The following NPHS1 variants were observed in gnomAD, a reference collection of about 807,000 sequenced individuals.
The protein encoded by NPHS1 is nephrin.
In NPHS1, 107 loss-of-function variants were observed where a neutral mutation model predicts 139.7. The observed-to-expected ratio is 0.77, with a 90% CI of 0.66 to 0.90. The LOEUF (loss-of-function observed/expected upper bound fraction) is 0.90, where lower values mean the gene tolerates loss of function less well. Ranked by LOEUF, NPHS1 falls within the 40% of genes least tolerant of loss-of-function variation. NPHS1 has a pLI of 0.00. For missense variants in NPHS1, 1,580 were observed against 1,654.2 expected, an observed-to-expected ratio of 0.96 and a Z score of 0.78; for synonymous variants, 707 against 706.6, an observed-to-expected ratio of 1.00 and a Z score of -0.01.
chr19:35,846,443 C>T (rs1027024037), intron 11 of NPHS1, among the ~76,000 whole-genome samples: 1 of 152,208 alleles, frequency 6.6e-6, no homozygotes, highest in African/African-American at 2.4e-5. Flanking sequence ...GATCTGAATC[C>T]GCCTTCTGTC....
chr19:35,829,692 C>T (rs1276812777), intron 28 of NPHS1, among the ~76,000 whole-genome samples: 1 of 152,084 alleles, frequency 6.6e-6, no homozygotes, highest in African/African-American at 2.4e-5. Context: ...GTGTGTGCCA[C>T]CACATCCAGA....
Position 35,844,247 on chromosome 19 carries a change from G to A in NPHS1, c.2072-4C>T. On this transcript the variant is annotated splice_region_variant and splice_polypyrimidine_tract_variant and intron_variant, in intron 15 of 28. Coordinates refer to ENST00000378910, the MANE Select transcript of NPHS1 (RefSeq NM_004646.4). Reference sequence around the variant, plus strand: ...ATGCGATGCCGGGGGCCGCCCGCTGGGGAAGGCCAGAATAAGGGACCTGGC... The same window carrying A: ...ATGCGATGCCGGGGGCCGCCCGCTGAGGAAGGCCAGAATAAGGGACCTGGC... The A allele has an allele frequency of 6.2e-7, 1 of 1,613,504 alleles. No individual in the cohort carries two copies. Among genetic ancestry groups the A allele is most frequent in the African/African-American group, 1.3e-5 (1 of 75,064 alleles).
Position 35,848,753 on chromosome 19 carries a change from T to C in NPHS1, c.1054A>G (p.Thr352Ala), listed in dbSNP as rs1374206038. ...GAGAGTGTCACGTTCTTGTTCTCAG[T>C]CTGGGATGCAGATCCCAAGATAATA... ...AIIILGSASQ[T>A]ENKNVTLSCV... The change falls in exon 9 of 29, where the codon ACT becomes GCT. Residue 352 changes from threonine to alanine, a missense_variant. Thr to Ala is a moderately conservative substitution (Grantham distance 58). Transcript: ENST00000378910. 1 of 1,614,116 alleles carries C rather than the reference T, an allele frequency of 6.2e-7. No individual in the cohort carries two copies. Among genetic ancestry groups the C allele is most frequent in the Non-Finnish European group, 8.5e-7 (1 of 1,180,016 alleles).
intron 19 of NPHS1, 62 bp downstream of exon 19, chr19:35,842,062 G>A: frequency 6.5e-6 from 10 of 1,546,828 alleles, no homozygotes; most frequent in Non-Finnish European, 7.9e-6. Context: ...CTCAGGGAGG[G>A]GAAGTGGGGC....
At chr19:35,830,708 C>T (rs1360854175) in intron 28 of NPHS1, 136 bp downstream of exon 28, 12 of 746,062 alleles carry the variant, frequency 1.6e-5, no homozygotes, top group Admixed American at 5.5e-5. Context: ...CATGCCCAGC[C>T]GACTGTCTTT....
intron 23 of NPHS1, 68 bp from the exon 24 acceptor site, chr19:35,831,830 G>C: frequency 6.6e-7 from 1 of 1,513,098 alleles, no homozygotes; most frequent in Non-Finnish European, 8.9e-7. Context: ...GGGTCTCCCC[G>C]AGAAAGTGTA....
chr19:35,845,530 C>G lies in NPHS1; in HGVS notation c.1768G>C (p.Val590Leu). 6.2e-7 allele frequency: 1 copy of G among 1,600,920 alleles called. No homozygotes were observed. Among genetic ancestry groups the G allele is most frequent in the Non-Finnish European group, 8.5e-7 (1 of 1,174,982 alleles). Reference protein sequence around the residue: ...WDKEGERLEGVAAPPRRAPFK... With the variant: ...WDKEGERLEGLAAPPRRAPFK... ...GGGGCTCTCCGGGGTGGGGCGGCCACGCCCTCCAGCCTGTGGAACCGGGGT... is the reference window on the plus strand; with the variant it reads ...GGGGCTCTCCGGGGTGGGGCGGCCAGGCCCTCCAGCCTGTGGAACCGGGGT... The change falls in exon 14 of 29, where the codon GTG becomes CTG. Residue 590 changes from valine to leucine, a missense_variant. Val to Leu is a conservative substitution (Grantham distance 32, BLOSUM62 1). Transcript: ENST00000378910. The surrounding 1 kb of genome is among the most constrained non-coding windows in gnomAD (Gnocchi z 5.5).
chr19:35,833,082 C>T (rs1202110586), intron 23 of NPHS1, among the ~76,000 whole-genome samples: 5 of 149,904 alleles, frequency 3.3e-5, no homozygotes, highest in East Asian at 4.0e-4. Context: ...TTAATAGAGA[C>T]GGAGTTTCGC....
In NPHS1 at chr19:35,850,065, G is replaced by A. The variant is rs182322746; in HGVS notation, c.608+299C>T. 3.6e-3 allele frequency among the ~76,000 whole-genome samples: 544 copies of A among 152,182 alleles called. 7 individuals are homozygous for A. The highest frequency in any genetic ancestry group is 2.2e-3 in the Non-Finnish European group (151 of 67,992). On this transcript the variant is annotated intron_variant, in intron 5 of 28. Coordinates refer to ENST00000378910, the MANE Select transcript of NPHS1 (RefSeq NM_004646.4). ...TGAGGAGCTGGGAGTACAGGCATGC[G>A]CCACCACACCCGGCTAATTTTTGTA...
At chr19:35,844,558 C>T (rs1286511985) in intron 14 of NPHS1, 99 bp from the exon 15 acceptor site, 4 of 1,298,600 alleles carry the variant, frequency 3.1e-6, no homozygotes, top group Non-Finnish European at 4.3e-6. Flanking sequence ...AAGTTGGGGT[C>T]ACGACGGGGT....
At chr19:35,847,420 C>T (rs1301159373) in intron 11 of NPHS1, among the ~76,000 whole-genome samples, 10 of 132,296 alleles carry the variant, frequency 7.6e-5, no homozygotes, top group Non-Finnish European at 1.5e-4. Context: ...AGTGGCACAA[C>T]CTCGGCTCAC....
At position 35,839,520 on chromosome 19, in the gene NPHS1, C is replaced by A. The variant is rs771798618; in HGVS notation, c.2903G>T (p.Gly968Val). The A allele has an allele frequency of 1.9e-6, 3 of 1,606,708 alleles. No homozygotes were observed. Among genetic ancestry groups the A allele is most frequent in the South Asian group, 2.2e-5 (2 of 90,120 alleles). Residue 968 changes from glycine to valine, a missense_variant, in exon 21 of 29, where the codon GGC becomes GTC. Coordinates refer to ENST00000378910, the MANE Select transcript of NPHS1 (RefSeq NM_004646.4). Reference protein sequence around the residue: ...GLEWKPGFDGGLPQRFCIRYE... With the variant: ...GLEWKPGFDGVLPQRFCIRYE... Reference sequence around the variant, plus strand: ...CCTGATGCAGAACCTCTGTGGCAGGCCCCCATCAAAGCCAGGCTTCCACTC... The same window carrying A: ...CCTGATGCAGAACCTCTGTGGCAGGACCCCATCAAAGCCAGGCTTCCACTC...
In NPHS1 at chr19:35,849,150, G is replaced by T; in HGVS notation, c.841-3C>A. On this transcript the variant is annotated splice_region_variant and splice_polypyrimidine_tract_variant and intron_variant, in intron 7 of 28. Transcript: ENST00000378910. ...GCTGTGGACACCGGCTGGCCATTCT[G>T]GAGACAGGGACAGGCCTGGGCCAGC... 6.2e-7 allele frequency: 1 copy of T among 1,611,084 alleles called. No individual in the cohort carries two copies. The highest frequency in any genetic ancestry group is 8.5e-7 in the Non-Finnish European group (1 of 1,180,010).
At chr19:35,831,883 G>GCA in intron 23 of NPHS1, 121 bp from the exon 24 acceptor site, 3 of 1,075,754 alleles carry the variant, frequency 2.8e-6, no homozygotes, top group Non-Finnish European at 4.1e-6. Flanking sequence ...AAACAGATGG[G>GCA]CAGAGGTCTC....
rs867787932 is a variant in NPHS1 at position 35,843,526 on chromosome 19, G to A, written c.2280C>T (p.Val760=). 1.2e-6 allele frequency: 2 copies of A among 1,614,142 alleles called. No individual in the cohort carries two copies. Among genetic ancestry groups the A allele is most frequent in the Middle Eastern group, 3.3e-4 (2 of 6,062 alleles). Residue 760 remains valine (V), a synonymous_variant, in exon 17 of 29, where the codon GTC becomes GTT. Coordinates refer to ENST00000378910, the MANE Select transcript of NPHS1 (RefSeq NM_004646.4). Reference sequence around the variant, plus strand: ...GGATGGGATTGGCATCGACAGTGCAGACTATGTCCACAGAACCCCCGACGT... The same window carrying A: ...GGATGGGATTGGCATCGACAGTGCAAACTATGTCCACAGAACCCCCGACGT... The part of the protein sequence containing the change: ...EVNVGGSVDI[V]CTVDANPILP...
intron 28 of NPHS1, among the ~76,000 whole-genome samples, chr19:35,829,911 A>G (rs1972853056): frequency 6.6e-6 from 1 of 151,500 alleles, no homozygotes; most frequent in Non-Finnish European, 1.5e-5. Context: ...GGCTCAAGCA[A>G]TCCACCTACC....
rs1364348389 is a variant in NPHS1 at position 35,845,539 on chromosome 19, G to A, written c.1759C>T (p.Leu587=). 3.7e-6 allele frequency: 6 copies of A among 1,611,528 alleles called. No individual in the cohort carries two copies. The highest frequency in any genetic ancestry group is 1.3e-5 in the African/African-American group (1 of 75,016). The change falls in exon 14 of 29, where the codon CTG becomes TTG. Residue 587 remains leucine (L), a splice_region_variant and synonymous_variant. Coordinates refer to ENST00000378910, the MANE Select transcript of NPHS1 (RefSeq NM_004646.4). This position sits in a 1 kb window ranked among gnomAD's most constrained non-coding sequence, Gnocchi z 5.5. ...NLSWDKEGER[L]EGVAAPPRRA... is the part of the protein sequence containing the mutation. The stretch of plus-strand genomic sequence containing the variant: ...CGGGGTGGGGCGGCCACGCCCTCCA[G>A]CCTGTGGAACCGGGGTCAAGCCAGG...
rs748819031 is a variant in NPHS1 at position 35,839,333 on chromosome 19, GCTGTAGA to G, written c.3006_3012del (p.Gln1004LeufsTer137). 1 of 1,614,210 alleles carries G rather than the reference GCTGTAGA, an allele frequency of 6.2e-7. No individual in the cohort carries two copies. Among genetic ancestry groups the G allele is most frequent in the South Asian group, 1.1e-5 (1 of 91,088 alleles). On this transcript the variant is annotated frameshift_variant, in exon 22 of 29. Transcript: ENST00000378910. LOFTEE classifies it high-confidence loss of function. ...AGCCAGACCCTGTATCTTGTAGAAG[GCTGTAGA>G]CCAGTCAGCGTGAAGGTGGTGGCCT...
chr19:35,831,848 C>T, intron 23 of NPHS1, 86 bp from the exon 24 acceptor site: 8 of 1,392,410 alleles, frequency 5.7e-6, no homozygotes, highest in Non-Finnish European at 7.9e-6. Flanking sequence ...GTAGCCCTGA[C>T]CAAGTCCCTC....
Sources: allele counts gnomAD v4.1 joint callset (sites outside exome capture counted in the v4.1 genomes callset), GRCh38; gene constraint gnomAD v4.1.1; non-coding constraint Gnocchi (gnomAD v3.1); transcripts MANE v1.5; gene names NCBI Gene and HGNC (gene_info 2026-07-23, HGNC 2026-07-21).